Variants in TENM3 observed in about 807,000 individuals in gnomAD.
TENM3 encodes the protein teneurin-3.
In TENM3, 63 loss-of-function variants were observed where a neutral mutation model predicts 255.1. The ratio of observed to expected loss-of-function variants is 0.25; its 90% CI spans 0.20 to 0.30. The LOEUF (loss-of-function observed/expected upper bound fraction) is 0.30. TENM3 is among the 10% of genes least tolerant of loss of function. The pLI is 1.00. For synonymous variants in TENM3, 1,306 were observed against 1,322.3 expected, an observed-to-expected ratio of 0.99 and a Z score of 0.27; for missense variants, 2,929 against 3,461.1, an observed-to-expected ratio of 0.85 and a Z score of 3.86.
rs376253664 is a variant in TENM3 at position 182,621,133 on chromosome 4, G to A, written c.750-7518G>A. Among the ~76,000 whole-genome samples the A allele has an allele frequency of 1.3e-4, 20 of 151,664 alleles. No homozygotes were observed. In the East Asian group the frequency reaches 2.6e-3, roughly 20 times the overall value. ...GAGGCAGAGCTTGCAGTGAACCGAG[G>A]TCGCACCACTGCACTCCAGCCTGGA... is the stretch of plus-strand genomic sequence containing the variant. On this transcript the variant is annotated intron_variant, in intron 4 of 27. Coordinates refer to ENST00000511685, the MANE Select transcript of TENM3 (RefSeq NM_001080477.4).
At chr4:182,678,767 C>T (rs540213103) in intron 7 of TENM3, among the ~76,000 whole-genome samples, 7 of 135,034 alleles carry the variant, frequency 5.2e-5, no homozygotes, top group African/African-American at 1.5e-4. Flanking sequence ...TCAGAGAAGA[C>T]TGTACAGGGT....
At chr4:182,294,430 CTT>C (rs10719053) in intron 1 of TENM3, among the ~76,000 whole-genome samples, 4 of 147,038 alleles carry the variant, frequency 2.7e-5, no homozygotes, top group African/African-American at 7.4e-5. Context: ...CCTAAACAGA[CTT>C]TTTTTTTTTT....
At position 182,793,808 on chromosome 4, in the gene TENM3, C is replaced by T; in HGVS notation, c.7136C>T (p.Pro2379Leu). 1 of 1,613,846 alleles carries T rather than the reference C, an allele frequency of 6.2e-7. No individual in the cohort carries two copies. Among genetic ancestry groups the T allele is most frequent in the Non-Finnish European group, 8.5e-7 (1 of 1,179,804 alleles). Residue 2379 changes from proline to leucine, a missense_variant, in exon 26 of 28, where the codon CCA (proline) becomes CTA (leucine). Transcript: ENST00000511685. The surrounding 1 kb of genome is among the most constrained non-coding windows in gnomAD (Gnocchi z 5.7). ...IEIWKRIGKDPAPFNLYMFRN... is the reference protein window; with the variant it reads ...IEIWKRIGKDLAPFNLYMFRN... Reference sequence around the variant, plus strand: ...ATCTGGAAAAGAATTGGGAAGGACCCAGCTCCTTTTAACTTGTACATGTTT... The same window carrying T: ...ATCTGGAAAAGAATTGGGAAGGACCTAGCTCCTTTTAACTTGTACATGTTT...
In TENM3 at chr4:182,610,174, A is replaced by T. The variant is rs138246293; in HGVS notation, c.749+9013A>T. On this transcript the variant is annotated intron_variant, in intron 4 of 27. Transcript: ENST00000511685. ...AAACAAATAACTGTGATAATATGTAACAGTGATAATATGGGAAAGAAATTC... is the reference window on the plus strand; with the variant it reads ...AAACAAATAACTGTGATAATATGTATCAGTGATAATATGGGAAAGAAATTC... Among the ~76,000 whole-genome samples, 12 of 152,360 alleles carry T rather than the reference A, an allele frequency of 7.9e-5. No homozygotes were observed. In the East Asian group the frequency reaches 2.3e-3, roughly 29 times the overall value.
intron 12 of TENM3, among the ~76,000 whole-genome samples, chr4:182,694,716 T>A (rs1225264519): frequency 6.6e-6 from 1 of 152,210 alleles, no homozygotes; most frequent in Non-Finnish European, 1.5e-5. Context: ...CATCCTCTGT[T>A]AAACACCAGG....
At chr4:181,798,934 G>T in the TENM3 span, among the ~76,000 whole-genome samples, 1 of 152,192 alleles carries the variant, frequency 6.6e-6, no homozygotes, top group Non-Finnish European at 1.5e-5. Flanking sequence ...TTTCTAAATT[G>T]TAAGAACCAG....
chr4:181,492,681 C>T, the TENM3 span, among the ~76,000 whole-genome samples: 1 of 151,932 alleles, frequency 6.6e-6, no homozygotes, highest in Non-Finnish European at 1.5e-5. Flanking sequence ...TTTTTTATCC[C>T]AGCTAAACTG....
In TENM3 at chr4:182,299,016, A is replaced by AAAAAAAAAAAAAGAGGTAAT. The variant is rs1554045594; in HGVS notation, c.-75-24930_-75-24929insAAAAAAAAAAAAGAGGTAAT. Among the ~76,000 whole-genome samples the AAAAAAAAAAAAAGAGGTAAT allele has an allele frequency of 3.3e-4, 34 of 102,328 alleles. 1 individual carries two copies. Among genetic ancestry groups the AAAAAAAAAAAAAGAGGTAAT allele is most frequent in the African/African-American group, 1.1e-3 (24 of 21,802 alleles). 67.1% of individuals were successfully genotyped at this position (102,328 alleles called of 152,430 possible). A position where few individuals can be genotyped will look rare whatever the true frequency, so the allele number is the denominator to read the frequency against. On this transcript the variant is annotated intron_variant, in intron 1 of 27. Transcript: ENST00000511685. ...AAAAAAAAAAAAAAAAAAAAAAAAA[A>AAAAAAAAAAAAAGAGGTAAT]GAGGTAATGGACTGGCCACTGCAGA...
At chr4:182,030,816 G>T in the TENM3 span, among the ~76,000 whole-genome samples, 1 of 151,966 alleles carries the variant, frequency 6.6e-6, no homozygotes, top group African/African-American at 2.4e-5. Flanking sequence ...GACGTTGAGC[G>T]TTTTTTTATA....
At chr4:181,738,719 AC>A in the TENM3 span, among the ~76,000 whole-genome samples, 1 of 151,188 alleles carries the variant, frequency 6.6e-6, no homozygotes, top group Non-Finnish European at 1.5e-5. Flanking sequence ...TGCATTCTGA[AC>A]CCCCCTCCTA....
chr4:182,458,138 TA>T (rs1204599667), intron 3 of TENM3, among the ~76,000 whole-genome samples: 1 of 152,234 alleles, frequency 6.6e-6, no homozygotes. Context: ...TCAGATTTTT[TA>T]AATGAGGTGT....
the TENM3 span, among the ~76,000 whole-genome samples, chr4:181,474,092 A>G: frequency 6.6e-6 from 1 of 152,208 alleles, no homozygotes; most frequent in African/African-American, 2.4e-5. Flanking sequence ...GTTTTCACTC[A>G]TAAGTGGGAG....
At chr4:181,792,865 G>A in the TENM3 span, among the ~76,000 whole-genome samples, 2,525 of 152,066 alleles carry the variant, frequency 0.017, 54 homozygotes, top group African/African-American at 0.057. Context: ...TTGTTAGGGA[G>A]ATTTTCAAAT....
chr4:182,319,478 G>A (rs1404108088), intron 1 of TENM3, among the ~76,000 whole-genome samples: 1 of 152,140 alleles, frequency 6.6e-6, no homozygotes, highest in Non-Finnish European at 1.5e-5. Context: ...ACTTTTTATT[G>A]TTTACAGTCT....
the TENM3 span, among the ~76,000 whole-genome samples, chr4:181,812,218 G>A: frequency 1.4e-4 from 21 of 152,262 alleles, no homozygotes; most frequent in Admixed American, 4.6e-4. Context: ...CTGTAACAAC[G>A]CTAACTAAAC....
Position 182,701,210 on chromosome 4 carries a change from C to CTTTTTTTTTTTTTTTTTTT in TENM3, c.2222-12867_2222-12849dup, listed in dbSNP as rs35538818. The stretch of plus-strand genomic sequence containing the variant: ...TTTTCACATACAGTCCAACTCTTGA[C>CTTTTTTTTTTTTTTTTTTT]TTTTTTTTTTTTTTTTTTTTTTTTT... On this transcript the variant is annotated intron_variant, in intron 12 of 27. Transcript: ENST00000511685. 5.2e-3 allele frequency among the ~76,000 whole-genome samples: 201 copies of CTTTTTTTTTTTTTTTTTTT among 38,668 alleles called. 70 individuals are homozygous for CTTTTTTTTTTTTTTTTTTT. The highest frequency in any genetic ancestry group is 6.5e-3 in the African/African-American group (54 of 8,368). The allele number at this position is 38,668 out of a possible 152,430, so 25.4% of individuals were successfully genotyped here.
intron 1 of TENM3, among the ~76,000 whole-genome samples, chr4:182,173,008 G>A (rs1019705267): frequency 6.6e-6 from 1 of 152,080 alleles, no homozygotes; most frequent in African/African-American, 2.4e-5. Flanking sequence ...TACGTGAATG[G>A]ACAGGAAGAA....
intron 13 of TENM3, among the ~76,000 whole-genome samples, chr4:182,715,454 C>A (rs1759082283): frequency 6.6e-6 from 1 of 152,160 alleles, no homozygotes; most frequent in East Asian, 1.9e-4. Flanking sequence ...ACCTCAATTG[C>A]CGCATCTATA....
the TENM3 span, among the ~76,000 whole-genome samples, chr4:182,015,509 G>A: frequency 1.3e-5 from 2 of 150,990 alleles, no homozygotes; most frequent in Admixed American, 6.6e-5. Context: ...AAAAACCCCC[G>A]TCATTTCATT....
Sources: gnomAD v4.1 joint callset for allele counts (sites outside exome capture counted in the v4.1 genomes callset) on GRCh38, gnomAD v4.1.1 for gene constraint, Gnocchi (gnomAD v3.1) non-coding constraint, MANE v1.5 for transcripts, NCBI Gene and HGNC (gene_info 2026-07-23, HGNC 2026-07-21) for gene names.